The following CEP128 variants were observed in gnomAD, a reference collection of about 807,000 sequenced individuals.
The protein encoded by CEP128 is centrosomal protein 128kDa.
CEP128 carries 132 observed loss-of-function variants against 156.7 expected under a neutral mutation model. The observed-to-expected ratio is 0.84, with a 90% CI of 0.73 to 0.97. The LOEUF is 0.97. Ranked by LOEUF, CEP128 falls within the 50% of genes least tolerant of loss-of-function variation. The pLI is 0.00. For missense variants in CEP128, 1,252 were observed against 1,281.9 expected (o/e 0.98, Z 0.36); for synonymous variants, 469 against 448.9 (o/e 1.04, Z -0.57).
chr14:80,584,230 T>C (rs562381573), intron 19 of CEP128, among the ~76,000 whole-genome samples: 2 of 134,530 alleles, frequency 1.5e-5, no homozygotes, highest in Admixed American at 1.7e-4. Context: ...CACTGAAACC[T>C]CCACCTCCTG....
intron 19 of CEP128, among the ~76,000 whole-genome samples, chr14:80,602,886 C>T (rs1892636574): frequency 6.6e-6 from 1 of 152,098 alleles, no homozygotes; most frequent in Non-Finnish European, 1.5e-5. Context: ...GGGGAATTCA[C>T]AAATGCATAG....
chr14:80,782,120 C>G lies in CEP128; in HGVS notation c.2211+2775G>C, dbSNP rs546318112. Among the ~76,000 whole-genome samples, 13 of 152,314 alleles carry G rather than the reference C, an allele frequency of 8.5e-5. No homozygotes were observed. In the South Asian group the frequency reaches 2.5e-3, roughly 29 times the overall value. On this transcript the variant is annotated intron_variant, in intron 15 of 24. Coordinates refer to ENST00000555265, the MANE Select transcript of CEP128 (RefSeq NM_152446.5). ...ACATCACACTATTTCTCATCAACCCCCTCTACCTTGCTGGCAACAGCTGAC... is the reference window on the plus strand; with the variant it reads ...ACATCACACTATTTCTCATCAACCCGCTCTACCTTGCTGGCAACAGCTGAC...
chr14:80,634,821 C>G (rs1894113956), intron 19 of CEP128, among the ~76,000 whole-genome samples: 1 of 152,178 alleles, frequency 6.6e-6, no homozygotes, highest in Non-Finnish European at 1.5e-5. Context: ...GTTTCCTTCT[C>G]TACATTTTCT....
At chr14:80,951,637 C>T (rs771821907) in intron 2 of CEP128, among the ~76,000 whole-genome samples, 6 of 151,874 alleles carry the variant, frequency 4.0e-5, no homozygotes, top group African/African-American at 1.5e-4. Flanking sequence ...AAACTAATAG[C>T]AAGATTATTC....
At chr14:80,826,608 A>G (rs1231345144) in intron 13 of CEP128, among the ~76,000 whole-genome samples, 2 of 152,134 alleles carry the variant, frequency 1.3e-5, no homozygotes, top group Non-Finnish European at 2.9e-5. Flanking sequence ...AAAATAAGCT[A>G]TTATTGATTA....
intron 2 of CEP128, among the ~76,000 whole-genome samples, chr14:80,921,737 G>A (rs181327088): frequency 6.6e-6 from 1 of 152,256 alleles, no homozygotes; most frequent in Admixed American, 6.5e-5. Context: ...GCCAAGGCAG[G>A]CGGACTGCCT....
At chr14:80,658,310 TTGC>T (rs1424037678) in intron 19 of CEP128, among the ~76,000 whole-genome samples, 5 of 152,166 alleles carry the variant, frequency 3.3e-5, no homozygotes, top group Non-Finnish European at 7.4e-5. Context: ...CATTCTTTTG[TTGC>T]TGTTGTTTTC....
At chr14:80,907,430 C>T (rs561132957) in intron 4 of CEP128, among the ~76,000 whole-genome samples, 3 of 152,090 alleles carry the variant, frequency 2.0e-5, no homozygotes, top group South Asian at 4.2e-4. Flanking sequence ...GAGGCTGAGG[C>T]GGCTGGATCA....
chr14:80,749,668 G>A (rs1270548144), intron 18 of CEP128, among the ~76,000 whole-genome samples: 1 of 151,934 alleles, frequency 6.6e-6, no homozygotes, highest in Non-Finnish European at 1.5e-5. Flanking sequence ...ATGGTTAATG[G>A]GTATATATAG....
At chr14:80,732,475 T>TGG (rs1898322214) in intron 19 of CEP128, among the ~76,000 whole-genome samples, 1 of 96,900 alleles carries the variant, frequency 1.0e-5, no homozygotes, top group Non-Finnish European at 2.1e-5. Context: ...TAAGCAGGTG[T>TGG]GTGTGTGTGT....
intron 20 of CEP128, among the ~76,000 whole-genome samples, chr14:80,568,989 C>T (rs1283120054): frequency 6.6e-6 from 1 of 152,178 alleles, no homozygotes; most frequent in Non-Finnish European, 1.5e-5. Context: ...ACTCTGATTT[C>T]TCACTGCAGT....
chr14:80,482,547 A>G (rs950019547), intron 14 of CEP128, among the ~76,000 whole-genome samples: 1 of 152,210 alleles, frequency 6.6e-6, no homozygotes, highest in Non-Finnish European at 1.5e-5. Flanking sequence ...TATCTATACT[A>G]AAAAACTGGC....
In CEP128 at chr14:80,761,599, G is replaced by A; in HGVS notation, c.2391C>T (p.Ser797=). 1 of 1,593,038 alleles carries A rather than the reference G, an allele frequency of 6.3e-7. No homozygotes were observed. Among genetic ancestry groups the A allele is most frequent in the Non-Finnish European group, 8.6e-7 (1 of 1,168,336 alleles). ...TCCTCCTTAAGTGCTCCTCTTCAAT[G>A]CTTATATGTTTTTCCTAAGGCATTG... The part of the protein sequence containing the change: ...DQLEEREKHI[S]IEEEHLRRME... The change falls in exon 17 of 25, where the codon AGC becomes AGT. Residue 797 remains serine, a synonymous_variant. Coordinates refer to ENST00000555265, the MANE Select transcript of CEP128 (RefSeq NM_152446.5).
In CEP128 at chr14:80,499,545, C is replaced by T. The variant is rs1467042150; in HGVS notation, c.3182-1963G>A. 2.0e-5 allele frequency among the ~76,000 whole-genome samples: 3 copies of T among 152,128 alleles called. No homozygotes were observed. The East Asian group carries it at 5.8e-4, about 29-fold the overall frequency. ...AGAATAACAATTCCTTCCTTTTGGGCTTATTTATTTTAACAAACATTATGT... is the reference window on the plus strand; with the variant it reads ...AGAATAACAATTCCTTCCTTTTGGGTTTATTTATTTTAACAAACATTATGT... On this transcript the variant is annotated intron_variant, in intron 24 of 24. Transcript: ENST00000555265.
At position 80,639,481 on chromosome 14, in the gene CEP128, C is replaced by T. The variant is rs376392388; in HGVS notation, c.2807-59058G>A. On this transcript the variant is annotated intron_variant, in intron 19 of 24. Coordinates refer to ENST00000555265, the MANE Select transcript of CEP128 (RefSeq NM_152446.5). ...CTGGAATTCTCCCCAGCAATGTGTG[C>T]CTGAAGTAAACTCATTGTCTTTACT... Among the ~76,000 whole-genome samples, 11 of 152,122 alleles carry T rather than the reference C, an allele frequency of 7.2e-5. No homozygotes were observed. In the East Asian group the frequency reaches 1.5e-3, roughly 21 times the overall value.
At chr14:80,765,098 G>C (rs117262131) in intron 16 of CEP128, among the ~76,000 whole-genome samples, 2 of 152,228 alleles carry the variant, frequency 1.3e-5, no homozygotes, top group Admixed American at 1.3e-4. Flanking sequence ...ATTGCTTCTC[G>C]GCCTTCTGGC....
rs3742722 is a variant in CEP128 at position 80,939,502 on chromosome 14, C to T, written c.-133G>A. On this transcript the variant is annotated 5_prime_UTR_variant, in exon 2 of 25. Transcript: ENST00000555265. ...TTCAGGGCAAAGGGCCTAGTCAAGC[C>T]GATGATCTTTGGTTGCCCCTACACT... 1 of 151,954 alleles carries T rather than the reference C, an allele frequency of 6.6e-6. No individual in the cohort carries two copies. Among genetic ancestry groups the T allele is most frequent in the Non-Finnish European group, 1.5e-5 (1 of 67,994 alleles). The allele number at this position is 151,954 out of a possible 1,614,324, so 9.4% of individuals were successfully genotyped here.
chr14:80,654,128 G>A (rs1180988623), intron 19 of CEP128, among the ~76,000 whole-genome samples: 1 of 152,160 alleles, frequency 6.6e-6, no homozygotes, highest in Non-Finnish European at 1.5e-5. Context: ...AGGAGGAAGA[G>A]ATAGGCATTT....
At chr14:80,786,798 T>C (rs1901431964) in intron 14 of CEP128, among the ~76,000 whole-genome samples, 1 of 152,108 alleles carries the variant, frequency 6.6e-6, no homozygotes, top group Admixed American at 6.6e-5. Context: ...GAGGTGTTTA[T>C]GCAAGGTAGT....
Sources: gnomAD v4.1 joint callset for allele counts (sites outside exome capture counted in the v4.1 genomes callset) on GRCh38, gnomAD v4.1.1 for gene constraint, MANE v1.5 for transcripts, NCBI Gene and HGNC (gene_info 2026-07-23, HGNC 2026-07-21) for gene names.